The following EYS variants were observed in gnomAD, a reference collection of about 807,000 sequenced individuals.
The protein encoded by EYS is EGF-like photoreceptor maintenance factor.
EYS carries 250 observed loss-of-function variants against 282.1 expected under a neutral mutation model. That is an observed-to-expected ratio of 0.89 (90% CI 0.80 to 0.98). EYS has a LOEUF of 0.98. EYS is among the 50% of genes least tolerant of loss of function. The pLI, the probability that EYS is intolerant of heterozygous loss-of-function variation, is 0.00. For missense variants in EYS, 4,016 were observed against 3,709.0 expected (o/e 1.08, Z -2.15); for synonymous variants, 1,355 against 1,282.9 (o/e 1.06, Z -1.20).
At chr6:65,494,270 ATTTTAT>A (rs1453915839) in intron 4 of EYS, among the ~76,000 whole-genome samples, 6 of 151,034 alleles carry the variant, frequency 4.0e-5, no homozygotes, top group Admixed American at 2.0e-4. Context: ...TATTTATTTT[ATTTTAT>A]TTTTATTTTT....
chr6:64,167,002 T>A (rs114352726), intron 31 of EYS, among the ~76,000 whole-genome samples: 4,268 of 152,328 alleles, frequency 0.028, 65 homozygotes, highest in Non-Finnish European at 0.045. Flanking sequence ...TTCCACCACG[T>A]GCACACAAAT....
chr6:65,206,105 T>C (rs1415875213), intron 12 of EYS, among the ~76,000 whole-genome samples: 1 of 151,666 alleles, frequency 6.6e-6, no homozygotes, highest in Non-Finnish European at 1.5e-5. Context: ...AAGTTGTTTA[T>C]TGGAAAGGAT....
chr6:65,431,694 T>C (rs2150384644), intron 5 of EYS, among the ~76,000 whole-genome samples: 1 of 152,202 alleles, frequency 6.6e-6, no homozygotes, highest in East Asian at 1.9e-4. Context: ...ATCAATTTTA[T>C]TAGGTAATAT....
At chr6:64,811,621 T>G (rs1054277422) in intron 22 of EYS, among the ~76,000 whole-genome samples, 1 of 152,108 alleles carries the variant, frequency 6.6e-6, no homozygotes, top group Non-Finnish European at 1.5e-5. Flanking sequence ...AGACGGGATT[T>G]GTTCTCTCGA....
At chr6:64,643,981 T>C (rs758194268) in intron 22 of EYS, among the ~76,000 whole-genome samples, 2 of 152,324 alleles carry the variant, frequency 1.3e-5, no homozygotes, top group Admixed American at 1.3e-4. Flanking sequence ...AGCTGTTTAA[T>C]CCAAAAAGCT....
chr6:64,084,994 A>G (rs1266968134), intron 31 of EYS, among the ~76,000 whole-genome samples: 1 of 151,828 alleles, frequency 6.6e-6, no homozygotes, highest in African/African-American at 2.4e-5. Flanking sequence ...ATTTCCAACC[A>G]AACTCTGTCT....
At chr6:64,311,112 A>C (rs1251257537) in intron 29 of EYS, among the ~76,000 whole-genome samples, 3 of 152,122 alleles carry the variant, frequency 2.0e-5, no homozygotes, top group African/African-American at 7.2e-5. Context: ...GTAAAACATA[A>C]GTGAAACCTG....
At chr6:64,215,817 G>C (rs1765911438) in intron 31 of EYS, among the ~76,000 whole-genome samples, 1 of 152,088 alleles carries the variant, frequency 6.6e-6, no homozygotes, top group Non-Finnish European at 1.5e-5. Flanking sequence ...GAAAAGTGAA[G>C]ATGTTAAATA....
chr6:64,744,470 A>T (rs1219811662), intron 22 of EYS, among the ~76,000 whole-genome samples: 5 of 152,168 alleles, frequency 3.3e-5, no homozygotes, highest in Admixed American at 3.3e-4. Flanking sequence ...GACTCCTCTC[A>T]CATGTTCCTA....
At chr6:65,200,997 C>A (rs1310546109) in intron 12 of EYS, among the ~76,000 whole-genome samples, 1 of 152,018 alleles carries the variant, frequency 6.6e-6, no homozygotes, top group Admixed American at 6.6e-5. Flanking sequence ...GGGGCTGTCT[C>A]TTTTAAGATA....
chr6:64,502,293 C>T (rs1405751065), intron 26 of EYS, among the ~76,000 whole-genome samples: 3 of 151,948 alleles, frequency 2.0e-5, no homozygotes, highest in African/African-American at 4.8e-5. Context: ...CAGGCTGGAG[C>T]TCAGTGGCGC....
At chr6:65,279,131 A>T (rs533012434) in intron 12 of EYS, among the ~76,000 whole-genome samples, 1 of 152,108 alleles carries the variant, frequency 6.6e-6, no homozygotes, top group East Asian at 1.9e-4. Context: ...GAGGTTGACA[A>T]TGAGCCAAGA....
intron 15 of EYS, among the ~76,000 whole-genome samples, chr6:64,942,827 C>CAAA (rs34826658): frequency 0.033 from 3,148 of 94,150 alleles, 70 homozygotes; most frequent in African/African-American, 0.044. Flanking sequence ...GTAACTCTTC[C>CAAA]AAAAAAAAAA....
At chr6:65,039,553 A>G (rs1772871158) in intron 13 of EYS, among the ~76,000 whole-genome samples, 1 of 151,480 alleles carries the variant, frequency 6.6e-6, no homozygotes, top group South Asian at 2.1e-4. Context: ...TGAATCTATG[A>G]ATTATCTTAA....
At chr6:64,375,287 C>T (rs607416) in intron 29 of EYS, among the ~76,000 whole-genome samples, 109,145 of 152,118 alleles carry the variant, frequency 0.72, 39,358 homozygotes, top group African/African-American at 0.79. Context: ...TTGTCATTTT[C>T]TTCATCCACT....
intron 41 of EYS, among the ~76,000 whole-genome samples, chr6:63,753,245 GGGTAAATTGTATA>G (rs1260104221): frequency 6.6e-6 from 1 of 150,408 alleles, no homozygotes; most frequent in Non-Finnish European, 1.5e-5. Flanking sequence ...ATATTAAGCT[GGGTAAATTGTATA>G]GGAAGATTTA....
chr6:64,406,319 G>C (rs1449555423), intron 28 of EYS, among the ~76,000 whole-genome samples: 4 of 152,148 alleles, frequency 2.6e-5, no homozygotes, highest in African/African-American at 9.7e-5. Flanking sequence ...ACTCAAGATG[G>C]ATTAAAGACT....
intron 30 of EYS, among the ~76,000 whole-genome samples, chr6:64,243,114 A>G (rs939860994): frequency 1.3e-5 from 2 of 150,154 alleles, no homozygotes; most frequent in African/African-American, 4.9e-5. Context: ...TTGTATATAT[A>G]AAATCTCCAA....
At chr6:65,532,412 G>A (rs1405206175) in intron 2 of EYS, among the ~76,000 whole-genome samples, 1 of 151,974 alleles carries the variant, frequency 6.6e-6, no homozygotes, top group Non-Finnish European at 1.5e-5. Context: ...GTTTTGTTCT[G>A]CCATGGGCTG....
Sources: gnomAD v4.1 joint callset for allele counts (sites outside exome capture counted in the v4.1 genomes callset) on GRCh38, gnomAD v4.1.1 for gene constraint, MANE v1.5 for transcripts, NCBI Gene and HGNC (gene_info 2026-07-23, HGNC 2026-07-21) for gene names.